CGNL1: variants seen among roughly 807,000 people sequenced by gnomAD.
CGNL1 encodes the protein cingulin like 1.
CGNL1 carries 132 observed loss-of-function variants against 141.2 expected under a neutral mutation model. That is an observed-to-expected ratio of 0.93 (90% CI 0.81 to 1.08). CGNL1 has a LOEUF of 1.08. CGNL1 is among the 50% of genes least tolerant of loss of function. The pLI is 0.00. For synonymous variants in CGNL1, 690 were observed against 622.1 expected (o/e 1.11, Z -1.63); for missense variants, 1,870 against 1,588.6 (o/e 1.18, Z -3.01).
chr15:57,482,960 T>C (rs1218869727), intron 8 of CGNL1, among the ~76,000 whole-genome samples: 2 of 152,184 alleles, frequency 1.3e-5, no homozygotes, highest in African/African-American at 4.8e-5. Flanking sequence ...AATTTTTTTG[T>C]ATTTTTAATA....
In CGNL1 at chr15:57,440,466, A is replaced by G. The variant is rs1177268710; in HGVS notation, c.1692A>G (p.Lys564=). 1.3e-6 allele frequency: 2 copies of G among 1,582,398 alleles called. No individual in the cohort carries two copies. The highest frequency in any genetic ancestry group is 1.7e-6 in the Non-Finnish European group (2 of 1,161,252). The part of the protein sequence containing the change: ...TAKQILYNYL[K]EGSTDNDDAT... The stretch of plus-strand genomic sequence containing the variant: ...AGCAGATTCTCTACAATTACCTCAA[A>G]GAAGGGTTAGTGATTTTCCCTCTGA... Residue 564 remains lysine (K), a synonymous_variant, in exon 3 of 19, where the codon AAA becomes AAG. Transcript: ENST00000281282.
intron 10 of CGNL1, 124 bp downstream of exon 10, chr15:57,518,621 A>T: frequency 1.5e-6 from 1 of 673,766 alleles, no homozygotes; most frequent in Admixed American, 2.5e-5. Flanking sequence ...CACCCATAAT[A>T]ACCACTCAGT....
intron 1 of CGNL1, among the ~76,000 whole-genome samples, chr15:57,432,995 A>G (rs1260505777): frequency 6.6e-6 from 1 of 151,612 alleles, no homozygotes; most frequent in African/African-American, 2.4e-5. Flanking sequence ...CAAGAATTTT[A>G]CTAATAAAAG....
At chr15:57,468,234 CTTTTTTTTTTTTTT>C (rs57360097) in intron 8 of CGNL1, among the ~76,000 whole-genome samples, 2 of 85,916 alleles carry the variant, frequency 2.3e-5, no homozygotes, top group Non-Finnish European at 4.2e-5. Flanking sequence ...TTTTCTTTTT[CTTTTTTTTTTTTTT>C]TTTTTTTTTT....
intron 7 of CGNL1, 61 bp downstream of exon 7, chr15:57,453,879 G>A: frequency 1.3e-6 from 2 of 1,598,082 alleles, no homozygotes; most frequent in Middle Eastern, 2.2e-4. Context: ...AAGATGGAGT[G>A]GCTAGGGTTT....
intron 1 of CGNL1, among the ~76,000 whole-genome samples, chr15:57,413,095 G>A (rs1018657213): frequency 5.3e-5 from 8 of 152,006 alleles, no homozygotes; most frequent in African/African-American, 1.2e-4. Flanking sequence ...TCCTGACCCC[G>A]TGATCCACTC....
intron 1 of CGNL1, among the ~76,000 whole-genome samples, chr15:57,390,055 A>T (rs1268672332): frequency 6.6e-6 from 1 of 152,194 alleles, no homozygotes. Context: ...ACCTTGGGTG[A>T]TCCACCTGCC....
intron 15 of CGNL1, 90 bp downstream of exon 15, chr15:57,543,869 C>T: frequency 2.1e-6 from 2 of 940,834 alleles, no homozygotes; most frequent in Non-Finnish European, 3.3e-6. Flanking sequence ...CTTGGAGGTC[C>T]CTCCTTTACT....
At chr15:57,524,231 C>T (rs145428318) in intron 11 of CGNL1, among the ~76,000 whole-genome samples, 14 of 152,326 alleles carry the variant, frequency 9.2e-5, no homozygotes, top group Admixed American at 8.5e-4. Context: ...GATACTAATT[C>T]TGACAACAAC....
At chr15:57,394,811 C>A (rs76384322) in intron 1 of CGNL1, among the ~76,000 whole-genome samples, 1 of 152,054 alleles carries the variant, frequency 6.6e-6, no homozygotes, top group Non-Finnish European at 1.5e-5. Flanking sequence ...ACAGTAAGCA[C>A]GTACTTAAAC....
intron 12 of CGNL1, 101 bp from the exon 13 acceptor site, chr15:57,528,553 G>C: frequency 8.3e-7 from 1 of 1,210,660 alleles, no homozygotes; most frequent in African/African-American, 1.5e-5. Context: ...TGGGAGTCCA[G>C]CTGATCTTCC....
intron 1 of CGNL1, among the ~76,000 whole-genome samples, chr15:57,433,602 T>C (rs2063070944): frequency 6.6e-6 from 1 of 152,028 alleles, no homozygotes; most frequent in South Asian, 2.1e-4. Context: ...GCCAGAGAGA[T>C]TGGCCAAATA....
Position 57,550,171 on chromosome 15 carries a change from T to C in CGNL1, c.*2681T>C, listed in dbSNP as rs181524272. On this transcript the variant is annotated 3_prime_UTR_variant, in exon 19 of 19. Transcript: ENST00000281282. ...TGCGCTATCCTACACTCTGAGGGAG[T>C]TGGCAACGCATGCGGTATAGTGGAG... 3 of 152,272 alleles carry C rather than the reference T, an allele frequency of 2.0e-5. No homozygotes were observed. The East Asian group carries it at 5.8e-4, about 29-fold the overall frequency. 9.4% of individuals were successfully genotyped at this position (152,272 alleles called of 1,614,324 possible).
At chr15:57,441,454 C>T (rs1018198831) in intron 3 of CGNL1, among the ~76,000 whole-genome samples, 1 of 152,026 alleles carries the variant, frequency 6.6e-6, no homozygotes, top group Non-Finnish European at 1.5e-5. Flanking sequence ...CTGCAACCCC[C>T]ACCTCCCAGG....
rs2063158065 is a variant in CGNL1 at position 57,439,517 on chromosome 15, A to G, written c.1518A>G (p.Leu506=). The G allele has an allele frequency of 1.9e-6, 3 of 1,614,138 alleles. No individual in the cohort carries two copies. The highest frequency in any genetic ancestry group is 1.1e-5 in the South Asian group (1 of 91,090). ...EVKTATATLM[L]QNRATATSPD... Reference sequence around the variant, plus strand: ...AAACAGCCACCGCTACGCTGATGTTACAGAACCGGGCAACAGCAACTTCGC... The same window carrying G: ...AAACAGCCACCGCTACGCTGATGTTGCAGAACCGGGCAACAGCAACTTCGC... The change falls in exon 2 of 19, where the codon TTA becomes TTG. Residue 506 remains leucine, a synonymous_variant. Transcript: ENST00000281282.
chr15:57,479,781 A>G (rs12594455), intron 8 of CGNL1, among the ~76,000 whole-genome samples: 19,608 of 152,182 alleles, frequency 0.13, 1,856 homozygotes, highest in East Asian at 0.45. Context: ...AATGAGGTAC[A>G]GGGGAGGCAG....
In CGNL1 at chr15:57,440,466, A is replaced by C. The variant is rs1177268710; in HGVS notation, c.1692A>C (p.Lys564Asn). 6.3e-7 allele frequency: 1 copy of C among 1,582,398 alleles called. No individual in the cohort carries two copies. Among genetic ancestry groups the C allele is most frequent in the African/African-American group, 1.3e-5 (1 of 74,548 alleles). The stretch of plus-strand genomic sequence containing the variant: ...AGCAGATTCTCTACAATTACCTCAA[A>C]GAAGGGTTAGTGATTTTCCCTCTGA... ...TAKQILYNYL[K>N]EGSTDNDDAT... The change falls in exon 3 of 19, where the codon AAA becomes AAC. Residue 564 changes from lysine to asparagine, a missense_variant. By Grantham distance (94) the Lys-to-Asn change is moderately conservative. Transcript: ENST00000281282.
chr15:57,424,398 T>C (rs1305487522), intron 1 of CGNL1, among the ~76,000 whole-genome samples: 1 of 152,182 alleles, frequency 6.6e-6, no homozygotes, highest in Non-Finnish European at 1.5e-5. Context: ...TGTGAGTTTC[T>C]TATTCATCCT....
chr15:57,472,436 C>T (rs2063594318), intron 8 of CGNL1, among the ~76,000 whole-genome samples: 1 of 152,054 alleles, frequency 6.6e-6, no homozygotes, highest in Non-Finnish European at 1.5e-5. Context: ...GACAGACAAG[C>T]AGGTGTGTGT....
Sources: allele counts gnomAD v4.1 joint callset (sites outside exome capture counted in the v4.1 genomes callset), GRCh38; gene constraint gnomAD v4.1.1; transcripts MANE v1.5; gene names NCBI Gene and HGNC (gene_info 2026-07-23, HGNC 2026-07-21).